Variants in TNR observed in about 807,000 individuals in gnomAD.
TNR encodes tenascin R.
TNR carries 45 observed loss-of-function variants against 150.4 expected under a neutral mutation model. The observed-to-expected ratio is 0.30, with a 90% CI of 0.24 to 0.38. The LOEUF is 0.38. Ranked by LOEUF, TNR falls within the 10% of genes least tolerant of loss-of-function variation. The pLI, the probability that TNR is intolerant of heterozygous loss-of-function variation, is 1.00. For synonymous variants in TNR, 687 were observed against 678.4 expected (o/e 1.01, Z -0.20); for missense variants, 1,544 against 1,759.1 (o/e 0.88, Z 2.19).
At chr1:175,361,168 C>T (rs542478833) in intron 14 of TNR, among the ~76,000 whole-genome samples, 2 of 152,274 alleles carry the variant, frequency 1.3e-5, no homozygotes, top group African/African-American at 4.8e-5. Context: ...TTCAAGCGAT[C>T]CTTCTGCCTC....
At chr1:175,448,393 G>A (rs537515951) in intron 2 of TNR, among the ~76,000 whole-genome samples, 2 of 152,162 alleles carry the variant, frequency 1.3e-5, no homozygotes, top group South Asian at 4.2e-4. Context: ...TGTATTTTTA[G>A]TAGAGATGGG....
intron 2 of TNR, among the ~76,000 whole-genome samples, chr1:175,440,234 A>G (rs548456304): frequency 1.3e-5 from 2 of 152,278 alleles, no homozygotes; most frequent in South Asian, 4.1e-4. Flanking sequence ...AGGGACATGG[A>G]TGAAGCTGGA....
intron 1 of TNR, among the ~76,000 whole-genome samples, chr1:175,697,525 GC>G (rs961561427): frequency 1.3e-5 from 2 of 151,828 alleles, no homozygotes; most frequent in Admixed American, 6.6e-5. Context: ...GGAAGTCCCC[GC>G]CCAGCCCCCC....
At chr1:175,366,895 A>T (rs1299627918) in intron 10 of TNR, among the ~76,000 whole-genome samples, 12 of 152,210 alleles carry the variant, frequency 7.9e-5, no homozygotes, top group Admixed American at 7.9e-4. Flanking sequence ...GGGGTGGTCT[A>T]GATAAAAATA....
In TNR at chr1:175,402,169, C is replaced by T. The variant is rs1016951587; in HGVS notation, c.976+971G>A. 5.3e-5 allele frequency among the ~76,000 whole-genome samples: 8 copies of T among 151,260 alleles called. No homozygotes were observed. The East Asian group carries it at 7.8e-4, about 15-fold the overall frequency. Reference sequence around the variant, plus strand: ...AAAAATACAAAAAATTAGCCGGGCGCGGTGGTGGGCGCCTGTAGTCCCAGC... The same window carrying T: ...AAAAATACAAAAAATTAGCCGGGCGTGGTGGTGGGCGCCTGTAGTCCCAGC... On this transcript the variant is annotated intron_variant, in intron 4 of 22. Transcript: ENST00000367674.
chr1:175,412,862 A>T (rs1654272985), intron 2 of TNR, among the ~76,000 whole-genome samples: 2 of 152,176 alleles, frequency 1.3e-5, no homozygotes, highest in African/African-American at 4.8e-5. Context: ...TGCTTAATCA[A>T]TGTGCCTGTA....
chr1:175,393,939 G>C, intron 5 of TNR, 44 bp from the exon 6 acceptor site: 1 of 1,457,046 alleles, frequency 6.9e-7, no homozygotes, highest in Non-Finnish European at 9.6e-7. Flanking sequence ...GCTAACCCTT[G>C]GGACAGACAG....
At chr1:175,607,713 C>T (rs1663458052) in intron 1 of TNR, among the ~76,000 whole-genome samples, 1 of 152,152 alleles carries the variant, frequency 6.6e-6, no homozygotes, top group African/African-American at 2.4e-5. Flanking sequence ...GAGGGAAGGG[C>T]CAACAGTGAT....
intron 2 of TNR, among the ~76,000 whole-genome samples, chr1:175,452,322 A>T (rs930235332): frequency 2.6e-5 from 4 of 152,266 alleles, no homozygotes; most frequent in Non-Finnish European, 4.4e-5. Context: ...GGGGGAAATG[A>T]CAATACACAA....
At chr1:175,398,616 A>G (rs749428539) in intron 4 of TNR, among the ~76,000 whole-genome samples, 6 of 152,186 alleles carry the variant, frequency 3.9e-5, no homozygotes, top group Non-Finnish European at 8.8e-5. Context: ...CCACTTTTAC[A>G]TAGATTATTT....
At chr1:175,418,595 G>A (rs902056230) in intron 2 of TNR, among the ~76,000 whole-genome samples, 30 of 152,098 alleles carry the variant, frequency 2.0e-4, no homozygotes, top group South Asian at 4.1e-4. Context: ...GGTGGCACAC[G>A]CCTGTAATCC....
chr1:175,324,045 C>T (rs1224098070), intron 22 of TNR, among the ~76,000 whole-genome samples: 1 of 152,156 alleles, frequency 6.6e-6, no homozygotes, highest in African/African-American at 2.4e-5. Flanking sequence ...TGTCTACCTT[C>T]CTGGGACCAT....
chr1:175,719,117 TC>T (rs1160664992), intron 1 of TNR, among the ~76,000 whole-genome samples: 1 of 152,092 alleles, frequency 6.6e-6, no homozygotes, highest in Non-Finnish European at 1.5e-5. Flanking sequence ...CAGTCTCAAG[TC>T]CCTCCTTGTC....
rs532183825 is a variant in TNR at position 175,712,052 on chromosome 1, A to T, written c.-165+31174T>A. On this transcript the variant is annotated intron_variant, in intron 1 of 22. Transcript: ENST00000367674. ...TTCCTCTATAATAACAATAATAAAAACTACTCTCCCCTCTTCTCATCACTG... is the reference window on the plus strand; with the variant it reads ...TTCCTCTATAATAACAATAATAAAATCTACTCTCCCCTCTTCTCATCACTG... Among the ~76,000 whole-genome samples, 59 of 152,204 alleles carry T rather than the reference A, an allele frequency of 3.9e-4. 1 individual carries two copies. The South Asian group carries it at 0.012, about 31-fold the overall frequency.
At chr1:175,341,639 CT>C (rs762676902) in intron 18 of TNR, among the ~76,000 whole-genome samples, 8 of 152,222 alleles carry the variant, frequency 5.3e-5, no homozygotes, top group Non-Finnish European at 1.0e-4. Flanking sequence ...GTTTTGGATT[CT>C]TGGGTGTTCC....
chr1:175,401,390 A>G (rs1653695980), intron 4 of TNR, among the ~76,000 whole-genome samples: 2 of 152,134 alleles, frequency 1.3e-5, no homozygotes, highest in Admixed American at 1.3e-4. Context: ...CCTGGATGGA[A>G]ACTGGAGCCA....
intron 1 of TNR, among the ~76,000 whole-genome samples, chr1:175,664,553 G>T (rs1227326027): frequency 1.3e-5 from 2 of 152,192 alleles, no homozygotes; most frequent in Admixed American, 1.3e-4. Context: ...GAAAAAATCA[G>T]GGATTTCAGA....
intron 2 of TNR, among the ~76,000 whole-genome samples, chr1:175,407,249 C>T (rs1347320330): frequency 6.6e-6 from 1 of 152,206 alleles, no homozygotes; most frequent in Non-Finnish European, 1.5e-5. Context: ...CTCCTCTCAG[C>T]TCATCTATCC....
At chr1:175,500,708 C>T (rs527996764) in intron 2 of TNR, among the ~76,000 whole-genome samples, 4 of 152,272 alleles carry the variant, frequency 2.6e-5, no homozygotes, top group African/African-American at 4.8e-5. Flanking sequence ...GGGCAAGGAA[C>T]GCAGCATGCC....
Sources: allele counts gnomAD v4.1 joint callset (sites outside exome capture counted in the v4.1 genomes callset), GRCh38; gene constraint gnomAD v4.1.1; transcripts MANE v1.5; gene names NCBI Gene and HGNC (gene_info 2026-07-23, HGNC 2026-07-21).